Variants in CIP2A observed in about 807,000 individuals in gnomAD.
CIP2A encodes cellular inhibitor of PP2A.
CIP2A carries 103 observed loss-of-function variants against 110.9 expected under a neutral mutation model. The ratio of observed to expected loss-of-function variants is 0.93; its 90% confidence interval spans 0.79 to 1.09. The LOEUF (loss-of-function observed/expected upper bound fraction) is 1.09, where lower values mean the gene tolerates loss of function less well. CIP2A is among the 50% of genes least tolerant of loss of function. The pLI is 0.00. For missense variants in CIP2A, 1,088 were observed against 1,038.4 expected, an observed-to-expected ratio of 1.05 and a Z score of -0.66; for synonymous variants, 381 against 361.6, an observed-to-expected ratio of 1.05 and a Z score of -0.61.
intron 17 of CIP2A, among the ~76,000 whole-genome samples, chr3:108,556,729 G>T (rs1937816533): frequency 6.6e-6 from 1 of 152,152 alleles, no homozygotes. Flanking sequence ...ATTAAGAGAT[G>T]AGTTAAACAC....
At position 108,550,429 on chromosome 3, in the gene CIP2A, G is replaced by GA. The variant is rs1307242177; in HGVS notation, c.*719dup. 1 of 151,058 alleles carries GA rather than the reference G, an allele frequency of 6.6e-6. No individual in the cohort carries two copies. The highest frequency in any genetic ancestry group is 2.4e-5 in the African/African-American group (1 of 41,310). 9.4% of individuals were successfully genotyped at this position (151,058 alleles called of 1,614,324 possible). ...TGATCTGGACCACTATGCAACATTT[G>GA]AAAAAAGAGAAAAAAACACTAAATA... is the stretch of plus-strand genomic sequence containing the variant. On this transcript the variant is annotated 3_prime_UTR_variant, in exon 21 of 21. Transcript: ENST00000295746.
chr3:108,568,399 CTT>C, intron 9 of CIP2A, 85 bp from the exon 10 acceptor site: 2 of 1,100,914 alleles, frequency 1.8e-6, no homozygotes, highest in South Asian at 1.7e-5. Context: ...GTAACACTCT[CTT>C]TAAATTTTTT....
In CIP2A at chr3:108,579,590, T is replaced by C; in HGVS notation, c.648A>G (p.Thr216=). The C allele has an allele frequency of 1.9e-6, 3 of 1,595,906 alleles. No homozygotes were observed. The change falls in exon 6 of 21, where the codon ACA becomes ACG. Residue 216 remains threonine (T), a synonymous_variant. Transcript: ENST00000295746. ...VFALSILSSL[T]LNEEVGEKLF... ...CCTTTTCCCCCACCTCTTCATTTAA[T>C]GTCAAACTGGATAATATTGAAAGTG...
chr3:108,589,059 C>T (rs1939209002), intron 1 of CIP2A, among the ~76,000 whole-genome samples: 1 of 152,240 alleles, frequency 6.6e-6, no homozygotes, highest in East Asian at 1.9e-4. Flanking sequence ...TTGCCCCACT[C>T]CCGCTTTTCC....
At position 108,569,533 on chromosome 3, in the gene CIP2A, CTG is replaced by C; in HGVS notation, c.967_968del (p.Gln323ValfsTer13). On this transcript the variant is annotated frameshift_variant, in exon 9 of 21. Transcript: ENST00000295746. LOFTEE classifies it high-confidence loss of function. ...RHMLTQMMFE[Q>X]SPPGSATLGS... is the part of the protein sequence containing the mutation. The stretch of plus-strand genomic sequence containing the variant: ...CCAGAGTGGCGCTGCCAGGTGGAGA[CTG>C]TTCAAACATCATCTGAGTGAGCATA... 6.2e-7 allele frequency: 1 copy of C among 1,612,748 alleles called. No individual in the cohort carries two copies. The highest frequency in any genetic ancestry group is 8.5e-7 in the Non-Finnish European group (1 of 1,179,304).
intron 7 of CIP2A, among the ~76,000 whole-genome samples, chr3:108,577,855 C>T (rs1319602964): frequency 1.3e-5 from 2 of 152,088 alleles, no homozygotes; most frequent in South Asian, 4.2e-4. Flanking sequence ...GCCAGGATCA[C>T]ACCACTGCAC....
chr3:108,551,353 T>C, intron 20 of CIP2A, 34 bp from the exon 21 acceptor site: 2 of 1,512,690 alleles, frequency 1.3e-6, no homozygotes, highest in East Asian at 2.3e-5. Context: ...GAGGAAGAAT[T>C]GAGAAGAAAA....
At chr3:108,573,094 T>C (rs1559697462) in intron 8 of CIP2A, among the ~76,000 whole-genome samples, 3 of 152,070 alleles carry the variant, frequency 2.0e-5, no homozygotes, top group Admixed American at 6.6e-5. Flanking sequence ...TGGGAAATTA[T>C]ATTAATTTCT....
At chr3:108,559,730 T>A (rs754730802) in intron 16 of CIP2A, 27 bp downstream of exon 16, 1 of 1,307,656 alleles carries the variant, frequency 7.6e-7, no homozygotes, top group South Asian at 1.5e-5. Flanking sequence ...TTTCTACAAA[T>A]CAGATGTGTC....
Position 108,551,157 on chromosome 3 carries a change from T to C in CIP2A, c.2710A>G (p.Ser904Gly). The change falls in exon 21 of 21, where the codon AGT becomes GGT. Residue 904 changes from serine (S) to glycine (G), a missense_variant. Ser to Gly is a moderately conservative substitution (Grantham distance 56). Transcript: ENST00000295746. ...CCAAAATGCCATAATGTCTATATAC[T>C]GAGATTCACAGTTTCTGGATTTATT... is the stretch of plus-strand genomic sequence containing the variant. ...GKINPETVNL[S>G]I The C allele has an allele frequency of 7.0e-7, 1 of 1,425,220 alleles. No individual in the cohort carries two copies. The highest frequency in any genetic ancestry group is 3.4e-5 in the East Asian group (1 of 29,772). The allele number at this position is 1,425,220 out of a possible 1,614,324, so 88.3% of individuals were successfully genotyped here.
At chr3:108,576,202 C>T (rs1938645404) in intron 8 of CIP2A, 69 bp downstream of exon 8, 18 of 898,466 alleles carry the variant, frequency 2.0e-5, no homozygotes, top group Non-Finnish European at 3.1e-5. Context: ...CTGTATTTTG[C>T]AGTTTTTTAA....
chr3:108,551,619 C>T (rs1217101093), intron 20 of CIP2A, among the ~76,000 whole-genome samples: 1 of 152,026 alleles, frequency 6.6e-6, no homozygotes, highest in Non-Finnish European at 1.5e-5. Flanking sequence ...AAGATAATCA[C>T]ATTAAAGCAG....
intron 12 of CIP2A, 87 bp downstream of exon 12, chr3:108,565,268 C>A (rs1019139942): frequency 2.5e-5 from 17 of 682,032 alleles, no homozygotes; most frequent in Non-Finnish European, 4.2e-5. Flanking sequence ...GAATTATCTT[C>A]TAAAGATTAA....
chr3:108,561,777 A>C (rs1938015916), intron 13 of CIP2A, among the ~76,000 whole-genome samples: 2 of 152,208 alleles, frequency 1.3e-5, no homozygotes, highest in South Asian at 4.1e-4. Context: ...AGGGCATTAA[A>C]TAGTAAGCAT....
intron 16 of CIP2A, among the ~76,000 whole-genome samples, chr3:108,557,953 G>A (rs921571091): frequency 6.6e-6 from 1 of 152,068 alleles, no homozygotes; most frequent in African/African-American, 2.4e-5. Context: ...GTTCCCCCCA[G>A]CCCTTTGGAT....
chr3:108,566,660 CA>C (rs778437999), intron 10 of CIP2A, 22 bp from the exon 11 acceptor site: 70 of 1,501,398 alleles, frequency 4.7e-5, no homozygotes, highest in Non-Finnish European at 5.8e-5. Flanking sequence ...TTAAGATATA[CA>C]ACAAAAAAAT....
At chr3:108,575,588 A>G (rs62643916) in intron 8 of CIP2A, among the ~76,000 whole-genome samples, 17,234 of 108,686 alleles carry the variant, frequency 0.16, 4,207 homozygotes, top group East Asian at 0.37. Flanking sequence ...ATACATGTGT[A>G]TATATACGTG....
intron 18 of CIP2A, among the ~76,000 whole-genome samples, chr3:108,554,132 G>A (rs2107310561): frequency 6.6e-6 from 1 of 152,006 alleles, no homozygotes; most frequent in South Asian, 2.1e-4. Context: ...CTGACCTCAT[G>A]CGCTCCACCC....
At chr3:108,558,441 G>A (rs946131499) in intron 16 of CIP2A, among the ~76,000 whole-genome samples, 1 of 152,032 alleles carries the variant, frequency 6.6e-6, no homozygotes, top group Admixed American at 6.6e-5. Context: ...TATTACTGCA[G>A]TAAGTTCACT....
Sources: gnomAD v4.1 joint callset for allele counts (sites outside exome capture counted in the v4.1 genomes callset) on GRCh38, gnomAD v4.1.1 for gene constraint, MANE v1.5 for transcripts, NCBI Gene and HGNC (gene_info 2026-07-23, HGNC 2026-07-21) for gene names.